GNB1: variants seen among roughly 807,000 people sequenced by gnomAD.
GNB1 encodes the protein guanine nucleotide-binding protein G(I)/G(S)/G(T) subunit beta-1.
GNB1 carries 2 observed loss-of-function variants against 42.9 expected under a neutral mutation model. The ratio of observed to expected loss-of-function variants is 0.05; its 90% CI spans 0.02 to 0.15. The LOEUF is 0.15. GNB1 is among the 10% of genes least tolerant of loss of function. The pLI, the probability that GNB1 is intolerant of heterozygous loss-of-function variation, is 1.00. For missense variants in GNB1, 193 were observed against 462.2 expected (o/e 0.42, Z 5.34); for synonymous variants, 183 against 174.7 (o/e 1.05, Z -0.38).
chr1:1,888,282 T>A (rs1013111702), intron 1 of GNB1, among the ~76,000 whole-genome samples: 1 of 150,952 alleles, frequency 6.6e-6, no homozygotes, highest in Non-Finnish European at 1.5e-5. Context: ...AATGTCATCC[T>A]CACACTGGGC....
At chr1:1,867,734 T>C (rs1246834068) in intron 1 of GNB1, among the ~76,000 whole-genome samples, 1 of 152,226 alleles carries the variant, frequency 6.6e-6, no homozygotes, top group Non-Finnish European at 1.5e-5. Flanking sequence ...CAGGCATCTT[T>C]TGCTGTAGAT....
chr1:1,888,878 C>CA (rs1399257234), intron 1 of GNB1, among the ~76,000 whole-genome samples: 1 of 152,148 alleles, frequency 6.6e-6, no homozygotes, highest in Non-Finnish European at 1.5e-5. Flanking sequence ...TAAACCAAGA[C>CA]AAAACCCACC....
intron 3 of GNB1, chr1:1,818,502 A>G (rs1342836962): frequency 2.0e-5 from 3 of 152,090 alleles, no homozygotes; most frequent in Non-Finnish European, 4.4e-5. Flanking sequence ...TCTTGAGCCC[A>G]TGAGTTCAAG....
chr1:1,835,548 C>G (rs1557914316), intron 2 of GNB1, among the ~76,000 whole-genome samples: 3 of 152,190 alleles, frequency 2.0e-5, no homozygotes, highest in Non-Finnish European at 2.9e-5. Flanking sequence ...GCCTCACCTG[C>G]CACACTTTCC....
Position 1,881,428 on chromosome 1 carries a change from C to CTT in GNB1, c.-96+9390_-96+9391dup, listed in dbSNP as rs70937201. On this transcript the variant is annotated intron_variant, in intron 1 of 11. Coordinates refer to ENST00000378609, the MANE Select transcript of GNB1 (RefSeq NM_002074.5). ...TCTCGAGGTAAAAGTTCATTTTTTT[C>CTT]TTTTTTTTTGAGTCTCACACTGTCA... is the stretch of plus-strand genomic sequence containing the variant. Among the ~76,000 whole-genome samples, 41 of 149,424 alleles carry CTT rather than the reference C, an allele frequency of 2.7e-4. 1 individual carries two copies. In the South Asian group the frequency reaches 3.8e-3, roughly 14 times the overall value.
intron 5 of GNB1, among the ~76,000 whole-genome samples, chr1:1,812,660 C>G (rs928476192): frequency 6.6e-6 from 1 of 152,206 alleles, no homozygotes; most frequent in Non-Finnish European, 1.5e-5. Flanking sequence ...ACAGGCCTCA[C>G]TGAAGACCGC....
chr1:1,794,370 C>T (rs958953594), intron 7 of GNB1, among the ~76,000 whole-genome samples: 37 of 152,146 alleles, frequency 2.4e-4, no homozygotes, highest in African/African-American at 8.5e-4. Context: ...TTCTTTTGTA[C>T]ATTGATCACA....
intron 2 of GNB1, among the ~76,000 whole-genome samples, chr1:1,830,496 G>C (rs193282987): frequency 6.6e-6 from 1 of 151,496 alleles, no homozygotes; most frequent in East Asian, 2.0e-4. Context: ...TGATCCGCCC[G>C]CCTCAGCCTC....
chr1:1,820,968 A>G, intron 3 of GNB1, among the ~76,000 whole-genome samples: 1 of 152,180 alleles, frequency 6.6e-6, no homozygotes, highest in East Asian at 1.9e-4. Context: ...AAGAAGAAAA[A>G]GTCTTCAAGT....
chr1:1,826,729 G>A (rs1352025153), intron 2 of GNB1, among the ~76,000 whole-genome samples: 1 of 152,190 alleles, frequency 6.6e-6, no homozygotes, highest in African/African-American at 2.4e-5. Context: ...ATTAGGCTCA[G>A]TACAAGCCGC....
Position 1,786,658 on chromosome 1 carries a change from T to C in GNB1, c.*405A>G, listed in dbSNP as rs914236065. ...GACCAGATGAACAAAGCCCTCAGCA[T>C]GTTTTGCATGAATGCCACAAAACAG... On this transcript the variant is annotated 3_prime_UTR_variant, in exon 12 of 12. Coordinates refer to ENST00000378609, the MANE Select transcript of GNB1 (RefSeq NM_002074.5). 2 of 152,304 alleles carry C rather than the reference T, an allele frequency of 1.3e-5. No homozygotes were observed. The highest frequency in any genetic ancestry group is 4.8e-5 in the African/African-American group (2 of 41,464). The allele number at this position is 152,304 out of a possible 1,614,324, so 9.4% of individuals were successfully genotyped here. A position where few individuals can be genotyped will look rare whatever the true frequency, so the allele number is the denominator to read the frequency against.
intron 2 of GNB1, among the ~76,000 whole-genome samples, chr1:1,838,605 C>G (rs1283891687): frequency 6.6e-6 from 1 of 151,858 alleles, no homozygotes; most frequent in African/African-American, 2.4e-5. Flanking sequence ...CCACCGCACC[C>G]GGCTAATTTT....
At position 1,839,224 on chromosome 1, in the gene GNB1, T is replaced by C. The variant is rs759189973; in HGVS notation, c.-81A>G. On this transcript the variant is annotated 5_prime_UTR_variant, in exon 2 of 12. Transcript: ENST00000378609. ...GAAGGGCTTCTGGTCTGGTCTCCAA[T>C]ACATGTAAATTTGTCTGAAACAAAC... The C allele has an allele frequency of 2.0e-5, 3 of 152,206 alleles. No individual in the cohort carries two copies. Among genetic ancestry groups the C allele is most frequent in the African/African-American group, 7.2e-5 (3 of 41,454 alleles). 9.4% of individuals were successfully genotyped at this position (152,206 alleles called of 1,614,324 possible).
In GNB1 at chr1:1,867,751, C is replaced by T. The variant is rs150635186; in HGVS notation, c.-96+23069G>A. On this transcript the variant is annotated intron_variant, in intron 1 of 11. Coordinates refer to ENST00000378609, the MANE Select transcript of GNB1 (RefSeq NM_002074.5). Reference sequence around the variant, plus strand: ...GGCATCTTTTGCTGTAGATATGTTCCGAATGCTTAAGCAGATATCTTTTCA... The same window carrying T: ...GGCATCTTTTGCTGTAGATATGTTCTGAATGCTTAAGCAGATATCTTTTCA... Among the ~76,000 whole-genome samples, 37 of 152,228 alleles carry T rather than the reference C, an allele frequency of 2.4e-4. No individual in the cohort carries two copies. In the South Asian group the frequency reaches 7.0e-3, roughly 29 times the overall value.
intron 6 of GNB1, among the ~76,000 whole-genome samples, chr1:1,805,417 C>T (rs1482154231): frequency 3.3e-5 from 5 of 151,802 alleles, no homozygotes; most frequent in African/African-American, 1.2e-4. Flanking sequence ...GCAGAGATCA[C>T]GCCACTGCAC....
At position 1,827,740 on chromosome 1, in the gene GNB1, A is replaced by G. The variant is rs577314972; in HGVS notation, c.-46-2241T>C. Reference sequence around the variant, plus strand: ...ATTTCACACATGATCAAATTATATTATGCACACAATTTTGCAGAGTTGGGG... The same window carrying G: ...ATTTCACACATGATCAAATTATATTGTGCACACAATTTTGCAGAGTTGGGG... On this transcript the variant is annotated intron_variant, in intron 2 of 11. Transcript: ENST00000378609. 1.3e-4 allele frequency among the ~76,000 whole-genome samples: 20 copies of G among 152,298 alleles called. No homozygotes were observed. In the South Asian group the frequency reaches 4.1e-3, roughly 32 times the overall value.
chr1:1,840,648 C>T (rs1647218327), intron 1 of GNB1, among the ~76,000 whole-genome samples: 1 of 152,236 alleles, frequency 6.6e-6, no homozygotes, highest in African/African-American at 2.4e-5. Context: ...TCATCTGAAT[C>T]TCAAGGAAGC....
intron 1 of GNB1, among the ~76,000 whole-genome samples, chr1:1,845,537 C>T (rs1001404237): frequency 1.3e-5 from 2 of 152,032 alleles, no homozygotes; most frequent in African/African-American, 4.8e-5. Context: ...CGTGCCACTG[C>T]ACTCCAGCCT....
chr1:1,877,208 G>A (rs1649591208), intron 1 of GNB1, among the ~76,000 whole-genome samples: 1 of 151,330 alleles, frequency 6.6e-6, no homozygotes, highest in African/African-American at 2.4e-5. Context: ...GCTGAGGCAG[G>A]AGAATCGCCT....
Sources: gnomAD v4.1 joint callset for allele counts (sites outside exome capture counted in the v4.1 genomes callset) on GRCh38, gnomAD v4.1.1 for gene constraint, MANE v1.5 for transcripts, NCBI Gene and HGNC (gene_info 2026-07-23, HGNC 2026-07-21) for gene names.